NEB: variants seen among roughly 807,000 people sequenced by gnomAD.
NEB encodes the protein nemaline myopathy type 2.
A neutral mutation model predicts 952.2 loss-of-function variants in NEB; 512 were observed. That is an observed-to-expected ratio of 0.54 (90% CI 0.50 to 0.58). NEB has a LOEUF of 0.58. NEB is among the 20% of genes least tolerant of loss of function. The probability of loss-of-function intolerance (pLI) is 0.00; values close to 1 mark genes in which losing one functional copy is unlikely to be tolerated. For missense variants in NEB, 8,428 were observed against 9,231.1 expected, an observed-to-expected ratio of 0.91 and a Z score of 3.56; for synonymous variants, 2,900 against 3,149.8, an observed-to-expected ratio of 0.92 and a Z score of 2.66.
rs145666661 is a variant in NEB at position 151,520,291 on chromosome 2, G to A, written c.22480-523C>T. On this transcript the variant is annotated intron_variant, in intron 153 of 181. Transcript: ENST00000397345. ...AAAATTATTAAACTTGGCCAAAAATGGTATAACTCCTGAGTAAACAAATAT... is the reference window on the plus strand; with the variant it reads ...AAAATTATTAAACTTGGCCAAAAATAGTATAACTCCTGAGTAAACAAATAT... 1.7e-3 allele frequency among the ~76,000 whole-genome samples: 255 copies of A among 152,176 alleles called. 2 individuals are homozygous for A. In the South Asian group the frequency reaches 0.031, roughly 18 times the overall value.
At chr2:151,488,636 A>G (rs965109141) in intron 181 of NEB, among the ~76,000 whole-genome samples, 11 of 149,562 alleles carry the variant, frequency 7.4e-5, no homozygotes, top group African/African-American at 2.4e-4. Flanking sequence ...ATAGAGTGAG[A>G]CCCTGTCTCT....
rs144680661 is a variant in NEB, at chr2:151,727,917, G to C, written c.79-11C>G. 2.5e-6 allele frequency: 4 copies of C among 1,600,252 alleles called. No homozygotes were observed. The highest frequency in any genetic ancestry group is 1.3e-5 in the African/African-American group (1 of 74,672). On this transcript the variant is annotated splice_polypyrimidine_tract_variant and intron_variant, in intron 4 of 181. Coordinates refer to ENST00000397345, the MANE Select transcript of NEB (RefSeq NM_001164508.2). The stretch of plus-strand genomic sequence containing the variant: ...AATTTTTGTTATTGTCTGAAAATTT[G>C]ATATGCAGTTCAACATTGTTGTGAA...
rs558995519 is a variant in NEB, at chr2:151,680,462, GT to G, written c.3042+267del. Among the ~76,000 whole-genome samples, 37 of 151,794 alleles carry G rather than the reference GT, an allele frequency of 2.4e-4. 1 individual carries two copies. The South Asian group carries it at 7.5e-3, about 31-fold the overall frequency. On this transcript the variant is annotated intron_variant, in intron 30 of 181. Transcript: ENST00000397345. ...GGTCTTTCCTAGAAAAAGGCTTGTAGTTTTTGTTGTCATTAAGAGAAGTCCC... is the reference window on the plus strand; with the variant it reads ...GGTCTTTCCTAGAAAAAGGCTTGTAGTTTTGTTGTCATTAAGAGAAGTCCC...
At chr2:151,695,232 T>A (rs1344849661) in intron 18 of NEB, among the ~76,000 whole-genome samples, 1 of 152,178 alleles carries the variant, frequency 6.6e-6, no homozygotes, top group Non-Finnish European at 1.5e-5. Flanking sequence ...AGGGACATTA[T>A]AGGCCCAGGG....
intron 13 of NEB, among the ~76,000 whole-genome samples, chr2:151,698,959 G>A (rs1301751179): frequency 1.9e-3 from 245 of 130,122 alleles, no homozygotes; most frequent in East Asian, 5.2e-3. Context: ...ATGCTGGTGC[G>A]CTGCACCCAC....
At chr2:151,727,306 G>C (rs1010071817) in intron 5 of NEB, among the ~76,000 whole-genome samples, 6 of 152,056 alleles carry the variant, frequency 3.9e-5, no homozygotes, top group Non-Finnish European at 8.8e-5. Flanking sequence ...TATGCTGTTA[G>C]CTAGTCTACT....
chr2:151,568,544 A>C (rs1339712171), intron 111 of NEB, 74 bp downstream of exon 111: 12 of 1,430,610 alleles, frequency 8.4e-6, no homozygotes, highest in Admixed American at 1.9e-5. Context: ...TTGCATTCTG[A>C]GTGTAAGTAG....
At chr2:151,689,656 A>G (rs1018498059) in intron 24 of NEB, 2 of 152,276 alleles carry the variant, frequency 1.3e-5, no homozygotes, top group African/African-American at 4.8e-5. Flanking sequence ...ACTATGCAAG[A>G]AGTAATTCCA....
intron 36 of NEB, 118 bp downstream of exon 36, chr2:151,674,359 G>C (rs2099340439): frequency 3.4e-6 from 3 of 872,972 alleles, no homozygotes. Flanking sequence ...ACAATATTTT[G>C]AGAATTTAAA....
intron 3 of NEB, among the ~76,000 whole-genome samples, chr2:151,732,074 A>C (rs2099810501): frequency 6.6e-6 from 1 of 152,182 alleles, no homozygotes; most frequent in African/African-American, 2.4e-5. Flanking sequence ...TCCAAAGAGA[A>C]ATTTTGGCAC....
chr2:151,517,686 T>A (rs1435831287), intron 156 of NEB, among the ~76,000 whole-genome samples: 3 of 152,216 alleles, frequency 2.0e-5, no homozygotes, highest in African/African-American at 7.2e-5. Flanking sequence ...CTGTACAGCA[T>A]ATTATTTTAC....
At chr2:151,620,325 T>TTA (rs1177720939) in intron 72 of NEB, among the ~76,000 whole-genome samples, 1 of 115,282 alleles carries the variant, frequency 8.7e-6, no homozygotes, top group Non-Finnish European at 1.8e-5. Context: ...GTAAATTTTA[T>TTA]TATATATATA....
At chr2:151,526,822 A>G in intron 148 of NEB, 96 bp downstream of exon 148, 1 of 906,094 alleles carries the variant, frequency 1.1e-6, no homozygotes, top group Non-Finnish European at 1.8e-6. Flanking sequence ...TGATGGAAGC[A>G]GCTCTTCTCC....
At chr2:151,619,036 C>T (rs961576860) in intron 73 of NEB, among the ~76,000 whole-genome samples, 13 of 152,146 alleles carry the variant, frequency 8.5e-5, no homozygotes, top group African/African-American at 3.1e-4. Context: ...AGAATTTTCC[C>T]ATCAGTAAGT....
intron 7 of NEB, 144 bp downstream of exon 7, chr2:151,724,713 C>A: frequency 1.5e-6 from 1 of 655,794 alleles, no homozygotes; most frequent in Non-Finnish European, 2.6e-6. Context: ...TCTGTGCAGC[C>A]TCCTTGATGA....
rs2099513874 is a variant in NEB at position 151,687,714 on chromosome 2, C to A, written c.2435G>T (p.Trp812Leu). ...AAACTTCTTGGCTTTGCTCTTCTCC[C>A]AGTCTTGCTTATAAACATTCTGGAC... ...NLSDNVYKQD[W>L]EKSKAKKFDI... is the part of the protein sequence containing the mutation. The change falls in exon 26 of 182, where the codon TGG becomes TTG. Residue 812 changes from tryptophan to leucine, a missense_variant. Around this residue, in one of 11 missense-constraint regions of NEB, gnomAD observed 2,851 missense variants for 2,791.5 expected, o/e 1.02. Transcript: ENST00000397345. 1 of 1,590,368 alleles carries A rather than the reference C, an allele frequency of 6.3e-7. No individual in the cohort carries two copies.
intron 47 of NEB, among the ~76,000 whole-genome samples, chr2:151,658,616 A>G (rs2154155759): frequency 6.6e-6 from 1 of 152,338 alleles, no homozygotes; most frequent in Admixed American, 6.5e-5. Flanking sequence ...ATAAAATATC[A>G]ATACATTTGC....
At chr2:151,721,458 C>T (rs1181486514) in intron 9 of NEB, among the ~76,000 whole-genome samples, 1 of 152,134 alleles carries the variant, frequency 6.6e-6, no homozygotes, top group East Asian at 1.9e-4. Flanking sequence ...TTCAAGTGCT[C>T]CCTCTACTCA....
rs1219268531 is a variant in NEB, at chr2:151,672,464, T to C, written c.4204A>G (p.Asn1402Asp). 10 of 1,613,966 alleles carry C rather than the reference T, an allele frequency of 6.2e-6. No individual in the cohort carries two copies. The Admixed American group carries it at 1.7e-4, about 27-fold the overall frequency. ...AAKMAQDVAT[N>D]VNYKQPLHHY... ...TGCAATGGCTGTTTGTAGTTGACAT[T>C]GGTAGCGACATCCTGGGCCATCTTT... is the stretch of plus-strand genomic sequence containing the variant. The change falls in exon 37 of 182, where the codon AAT (asparagine) becomes GAT (aspartate). Residue 1402 changes from asparagine (N) to aspartate (D), a missense_variant. Asn to Asp is a conservative substitution (Grantham distance 23). This residue lies in a region of NEB where 2,851 missense variants were observed against 2,791.5 expected (regional missense o/e 1.02). Transcript: ENST00000397345.
Sources: gnomAD v4.1 joint callset for allele counts (sites outside exome capture counted in the v4.1 genomes callset) on GRCh38, gnomAD v4.1.1 for gene constraint, gnomAD v4.1.1 regional missense constraint, MANE v1.5 for transcripts, NCBI Gene and HGNC (gene_info 2026-07-23, HGNC 2026-07-21) for gene names.